The following FHAD1 variants were observed in gnomAD, a reference collection of about 807,000 sequenced individuals.
FHAD1 encodes forkhead associated phosphopeptide binding domain 1.
A neutral mutation model predicts 191.3 loss-of-function variants in FHAD1; 146 were observed. The observed-to-expected ratio is 0.76, with a 90% CI of 0.67 to 0.88. The LOEUF (loss-of-function observed/expected upper bound fraction) is 0.88, where lower values mean the gene tolerates loss of function less well. Among genes scored for constraint, FHAD1 ranks in the 40% least tolerant of loss-of-function variants. The pLI is 0.00. For missense variants in FHAD1, 1,635 were observed against 1,785.8 expected (o/e 0.92, Z 1.52); for synonymous variants, 616 against 672.3 (o/e 0.92, Z 1.29).
intron 1 of FHAD1, among the ~76,000 whole-genome samples, chr1:15,248,576 G>T (rs1292335595): frequency 6.7e-6 from 1 of 149,278 alleles, no homozygotes; most frequent in African/African-American, 2.5e-5. Flanking sequence ...GGAAGGAGAT[G>T]ACCTTTTTTT....
upstream of FHAD1, among the ~76,000 whole-genome samples, chr1:15,244,686 T>G (rs1031783478): frequency 1.3e-5 from 2 of 152,164 alleles, no homozygotes; most frequent in African/African-American, 4.8e-5. This position sits in a 1 kb window ranked among gnomAD's most constrained non-coding sequence, Gnocchi z 5.1. Context: ...TTCTAGGGAC[T>G]GGTGGCACAG....
chr1:15,394,829 G>T (rs552703564), intron 33 of FHAD1, among the ~76,000 whole-genome samples: 1 of 152,194 alleles, frequency 6.6e-6, no homozygotes, highest in Non-Finnish European at 1.5e-5. Flanking sequence ...AAGGCTGGGG[G>T]CAAAGCTTTG....
intron 1 of FHAD1, among the ~76,000 whole-genome samples, chr1:15,248,189 T>C (rs140498760): frequency 1.3e-5 from 2 of 152,302 alleles, no homozygotes; most frequent in Non-Finnish European, 2.9e-5. Context: ...CATGATTTAC[T>C]GAGCACCACT....
At chr1:15,247,580 C>T (rs1752016) in intron 1 of FHAD1, among the ~76,000 whole-genome samples, 185 bp downstream of exon 1, 44,184 of 152,018 alleles carry the variant, frequency 0.29, 7,464 homozygotes, top group Non-Finnish European at 0.39. Context: ...AGATGCAGGC[C>T]CCACCCCGCC....
chr1:15,290,994 A>G (rs1366639617), intron 4 of FHAD1, among the ~76,000 whole-genome samples: 2 of 151,586 alleles, frequency 1.3e-5, no homozygotes, highest in South Asian at 2.1e-4. Flanking sequence ...GATTACAGAC[A>G]TGAGCCACTG....
rs1706606064 is a variant in FHAD1 at position 15,398,289 on chromosome 1, A to AT, written c.*876_*877insT. Among the ~76,000 whole-genome samples the AT allele has an allele frequency of 1.3e-5, 2 of 151,962 alleles. No individual in the cohort carries two copies. Among genetic ancestry groups the AT allele is most frequent in the African/African-American group, 4.8e-5 (2 of 41,362 alleles). ...AAGACTCCATCTCAAAAAAAAAAAA[A>AT]AAAAATCTGTTTATTGTAATAAATT... On this transcript the variant is annotated 3_prime_UTR_variant, in exon 34 of 34. Transcript: ENST00000688493.
chr1:15,272,655 G>GAGACACGCTGCA, intron 3 of FHAD1, 126 bp downstream of exon 3: 1 of 872,046 alleles, frequency 1.1e-6, no homozygotes, highest in East Asian at 2.7e-5. Flanking sequence ...CACACAGGCA[G>GAGACACGCTGCA]CAGAGACAGA....
chr1:15,238,163 C>T (rs1213163004), intron 1 of FHAD1, among the ~76,000 whole-genome samples: 1 of 143,980 alleles, frequency 6.9e-6, no homozygotes, highest in Non-Finnish European at 1.5e-5. Flanking sequence ...AGGAGAATTG[C>T]TTGAACCCGG....
At chr1:15,274,115 G>C (rs532550998) in intron 3 of FHAD1, among the ~76,000 whole-genome samples, 1 of 152,330 alleles carries the variant, frequency 6.6e-6, no homozygotes, top group East Asian at 1.9e-4. Context: ...TTGTATGAGA[G>C]ACCACATTTT....
chr1:15,303,575 C>A (rs997938707), intron 6 of FHAD1, among the ~76,000 whole-genome samples: 2 of 152,186 alleles, frequency 1.3e-5, no homozygotes, highest in Non-Finnish European at 2.9e-5. Context: ...TGTAGCCGGG[C>A]GTGGTGGCTC....
At position 15,276,731 on chromosome 1, in the gene FHAD1, G is replaced by A. The variant is rs558258509; in HGVS notation, c.300+4202G>A. 6.6e-6 allele frequency among the ~76,000 whole-genome samples: 1 copy of A among 152,164 alleles called. No individual in the cohort carries two copies. Among genetic ancestry groups the A allele is most frequent in the African/African-American group, 2.4e-5 (1 of 41,492 alleles). On this transcript the variant is annotated intron_variant, in intron 3 of 33. Coordinates refer to ENST00000688493, the MANE Select transcript of FHAD1 (RefSeq NM_001391957.1). The surrounding 1 kb of genome is among the most constrained non-coding windows in gnomAD (Gnocchi z 4.7). ...GCACAAGAATTGCTTGAACCCGGGA[G>A]GCAGAGGTTGCAATGAGCGAAGATC...
Position 15,329,668 on chromosome 1 carries a change from A to G in FHAD1, c.1906+127A>G. 2 of 757,650 alleles carry G rather than the reference A, an allele frequency of 2.6e-6. No homozygotes were observed. The highest frequency in any genetic ancestry group is 4.1e-6 in the Non-Finnish European group (2 of 485,574). 46.9% of individuals were successfully genotyped at this position (757,650 alleles called of 1,614,324 possible). A position where few individuals can be genotyped will look rare whatever the true frequency, so the allele number is the denominator to read the frequency against. ...GGCCAAGTCTATTCCCTTCTCCAGAACCCCCTGCTTCTCTGCTTGAGGCGT... is the reference window on the plus strand; with the variant it reads ...GGCCAAGTCTATTCCCTTCTCCAGAGCCCCCTGCTTCTCTGCTTGAGGCGT... On this transcript the variant is annotated intron_variant, in intron 14 of 33. Coordinates refer to ENST00000688493, the MANE Select transcript of FHAD1 (RefSeq NM_001391957.1). This position sits in a 1 kb window ranked among gnomAD's most constrained non-coding sequence, Gnocchi z 5.0.
At chr1:15,257,095 A>T (rs1016982968) in intron 2 of FHAD1, among the ~76,000 whole-genome samples, 7 of 152,148 alleles carry the variant, frequency 4.6e-5, no homozygotes, top group African/African-American at 1.7e-4. Flanking sequence ...AGTCTTTTTT[A>T]TTATTATTAA....
intron 3 of FHAD1, among the ~76,000 whole-genome samples, chr1:15,273,187 C>CT (rs897040316): frequency 2.0e-5 from 3 of 151,950 alleles, no homozygotes; most frequent in Non-Finnish European, 4.4e-5. Flanking sequence ...ATCTCTATTT[C>CT]TTTTTTTTCA....
chr1:15,296,306 T>G (rs1445716738), intron 4 of FHAD1, among the ~76,000 whole-genome samples: 3 of 147,434 alleles, frequency 2.0e-5, no homozygotes, highest in East Asian at 2.0e-4. Context: ...CAGGCTGGAG[T>G]GCAGTGGCGC....
At position 15,312,950 on chromosome 1, in the gene FHAD1, G is replaced by A; in HGVS notation, c.1040-107G>A. ...CATTCAAGCTCCTGGGATCCTTGGAGACACCTCCCTTCTCAGTGCCAGGCT... is the reference window on the plus strand; with the variant it reads ...CATTCAAGCTCCTGGGATCCTTGGAAACACCTCCCTTCTCAGTGCCAGGCT... On this transcript the variant is annotated intron_variant, in intron 7 of 33. Transcript: ENST00000688493. This position sits in a 1 kb window ranked among gnomAD's most constrained non-coding sequence, Gnocchi z 4.7. 2.2e-6 allele frequency: 3 copies of A among 1,393,374 alleles called. No individual in the cohort carries two copies. Among genetic ancestry groups the A allele is most frequent in the Non-Finnish European group, 2.9e-6 (3 of 1,026,614 alleles). The allele number at this position is 1,393,374 out of a possible 1,614,324, so 86.3% of individuals were successfully genotyped here.
chr1:15,383,354 T>G (rs752185513), intron 31 of FHAD1: 153 of 423,768 alleles, frequency 3.6e-4, no homozygotes, highest in Admixed American at 1.6e-3. Context: ...GCCTTCCCCA[T>G]GCTGCCCATG....
At chr1:15,261,078 A>T (rs1650799661) in intron 2 of FHAD1, among the ~76,000 whole-genome samples, 1 of 152,192 alleles carries the variant, frequency 6.6e-6, no homozygotes, top group Non-Finnish European at 1.5e-5. Context: ...GTGGAGAAAG[A>T]TGGTGGATGA....
intron 10 of FHAD1, among the ~76,000 whole-genome samples, chr1:15,321,212 G>A (rs923460552): frequency 5.3e-5 from 8 of 152,238 alleles, no homozygotes; most frequent in African/African-American, 1.2e-4. Flanking sequence ...GATTATAGGC[G>A]TGAGCCACAA....
Sources: gnomAD v4.1 joint callset for allele counts (sites outside exome capture counted in the v4.1 genomes callset) on GRCh38, gnomAD v4.1.1 for gene constraint, Gnocchi (gnomAD v3.1) non-coding constraint, MANE v1.5 for transcripts, NCBI Gene and HGNC (gene_info 2026-07-23, HGNC 2026-07-21) for gene names.